The following DDX52 variants were observed in gnomAD, a reference collection of about 807,000 sequenced individuals.
DDX52 encodes the protein probable ATP-dependent RNA helicase DDX52.
Under a neutral mutation model 76.1 loss-of-function variants are expected in DDX52, and 59 were observed. The observed-to-expected ratio is 0.78, with a 90% confidence interval of 0.63 to 0.96. DDX52 has a LOEUF of 0.96. Ranked by LOEUF, DDX52 falls within the 40% of genes least tolerant of loss-of-function variation. The probability of loss-of-function intolerance (pLI) is 0.00; values close to 1 mark genes in which losing one functional copy is unlikely to be tolerated. For synonymous variants in DDX52, 231 were observed against 244.1 expected (o/e 0.95, Z 0.50); for missense variants, 707 against 703.9 (o/e 1.00, Z -0.05).
At position 37,625,988 on chromosome 17, in the gene DDX52, C is replaced by T. The variant is rs776324127; in HGVS notation, c.1043G>A (p.Arg348Gln). Residue 348 changes from arginine to glutamine, a missense_variant, in exon 8 of 15, where the codon CGA becomes CAA. By Grantham distance (43) the Arg-to-Gln change is conservative. Transcript: ENST00000617633. Reference sequence around the variant, plus strand: ...AAAAGTTGCACTGAACATAGCTCTTCGGACCTTGTGGGATGTGCAGGCCAG... The same window carrying T: ...AAAAGTTGCACTGAACATAGCTCTTTGGACCTTGTGGGATGTGCAGGCCAG... ...IFLACTSHKV[R>Q]RAMFSATFAY... 39 of 1,614,038 alleles carry T rather than the reference C, an allele frequency of 2.4e-5. No homozygotes were observed. The highest frequency in any genetic ancestry group is 2.2e-5 in the East Asian group (1 of 44,894).
At chr17:37,624,906 AATT>A (rs1221268937) in intron 8 of DDX52, among the ~76,000 whole-genome samples, 1 of 152,030 alleles carries the variant, frequency 6.6e-6, no homozygotes, top group Non-Finnish European at 1.5e-5. Flanking sequence ...TTTCCCATTT[AATT>A]ATTTTTATCT....
At chr17:37,625,464 T>C (rs1233675319) in intron 8 of DDX52, among the ~76,000 whole-genome samples, 1 of 152,206 alleles carries the variant, frequency 6.6e-6, no homozygotes, top group Non-Finnish European at 1.5e-5. Flanking sequence ...AGTATCATAA[T>C]TTCTTTAAAC....
chr17:37,626,240 A>T lies in DDX52; in HGVS notation c.933-142T>A. On this transcript the variant is annotated intron_variant, in intron 7 of 14. Transcript: ENST00000617633. ...CACTTTATCATACCAAAAAAAAAAA[A>T]TAAGAAACACAAGCAGGTGTCATGG... 9 of 799,088 alleles carry T rather than the reference A, an allele frequency of 1.1e-5. No individual in the cohort carries two copies. The South Asian group carries it at 1.3e-4, about 11-fold the overall frequency. 49.5% of individuals were successfully genotyped at this position (799,088 alleles called of 1,614,324 possible). A position where few individuals can be genotyped will look rare whatever the true frequency, so the allele number is the denominator to read the frequency against.
intron 14 of DDX52, among the ~76,000 whole-genome samples, chr17:37,616,766 T>C (rs111999092): frequency 6.6e-6 from 1 of 152,192 alleles, no homozygotes; most frequent in African/African-American, 2.4e-5. Flanking sequence ...TATACTTTTT[T>C]CAGTTTGTAG....
Position 37,613,923 on chromosome 17 carries a change from C to A in DDX52, c.*373G>T. 5.9e-6 allele frequency: 1 copy of A among 170,840 alleles called. No homozygotes were observed. The highest frequency in any genetic ancestry group is 1.2e-5 in the Non-Finnish European group (1 of 80,480). The allele number at this position is 170,840 out of a possible 1,614,324, so 10.6% of individuals were successfully genotyped here. On this transcript the variant is annotated 3_prime_UTR_variant, in exon 15 of 15. Coordinates refer to ENST00000617633, the MANE Select transcript of DDX52 (RefSeq NM_007010.5). ...AAGAAGTATCTCTCTGGATTCAAAC[C>A]ACAGAAATGTCAATGAATGTTATTT... is the stretch of plus-strand genomic sequence containing the variant.
intron 13 of DDX52, among the ~76,000 whole-genome samples, chr17:37,618,667 A>T (rs1269273373): frequency 2.6e-5 from 4 of 152,064 alleles, no homozygotes; most frequent in African/African-American, 9.7e-5. Flanking sequence ...TTGTATTTTA[A>T]GTAGAGATGG....
At position 37,610,487 on chromosome 17, in the gene DDX52, A is replaced by G. The variant is rs553786004; in HGVS notation, c.*3809T>C. 1 of 151,674 alleles carries G rather than the reference A, an allele frequency of 6.6e-6. No individual in the cohort carries two copies. Among genetic ancestry groups the G allele is most frequent in the South Asian group, 2.1e-4 (1 of 4,806 alleles). 9.4% of individuals were successfully genotyped at this position (151,674 alleles called of 1,614,324 possible). Reference sequence around the variant, plus strand: ...GGAAGTAAAACATGAAAGTTGAGTAATTTTCTCAAGCACGTAGTTTGCTTG... The same window carrying G: ...GGAAGTAAAACATGAAAGTTGAGTAGTTTTCTCAAGCACGTAGTTTGCTTG... On this transcript the variant is annotated 3_prime_UTR_variant, in exon 15 of 15. Transcript: ENST00000617633.
rs750944507 is a variant in DDX52 at position 37,632,066 on chromosome 17, C to T, written c.603+47G>A. 9.9e-6 allele frequency: 16 copies of T among 1,610,248 alleles called. No homozygotes were observed. The South Asian group carries it at 1.8e-4, about 18-fold the overall frequency. On this transcript the variant is annotated intron_variant, in intron 4 of 14. Coordinates refer to ENST00000617633, the MANE Select transcript of DDX52 (RefSeq NM_007010.5). The stretch of plus-strand genomic sequence containing the variant: ...GAAGAGAGGGAAGAGAATGAGCAAA[C>T]ACACAGAGGAAGGAATGTTACAGGC...
At chr17:37,632,348 T>C (rs1259198401) in intron 3 of DDX52, 50 bp from the exon 4 acceptor site, 8 of 1,590,218 alleles carry the variant, frequency 5.0e-6, no homozygotes, top group Non-Finnish European at 6.9e-6. Flanking sequence ...AATAAATACA[T>C]TCTCAGATGT....
intron 6 of DDX52, among the ~76,000 whole-genome samples, chr17:37,627,753 G>A (rs1426622014): frequency 2.6e-5 from 4 of 151,722 alleles, no homozygotes; most frequent in Admixed American, 2.0e-4. Context: ...TGATATAAGG[G>A]TGAGGATGTA....
At chr17:37,624,537 A>G in intron 8 of DDX52, 103 bp from the exon 9 acceptor site, 1 of 743,784 alleles carries the variant, frequency 1.3e-6, no homozygotes, top group Non-Finnish European at 2.1e-6. Context: ...AACAAAATCA[A>G]TTTTTCCACT....
At chr17:37,626,588 A>G (rs149003533) in intron 7 of DDX52, among the ~76,000 whole-genome samples, 200 bp downstream of exon 7, 113 of 152,334 alleles carry the variant, frequency 7.4e-4, no homozygotes, top group African/African-American at 2.7e-3. Context: ...AGCTTAATGT[A>G]CCTATTCCAA....
At chr17:37,619,150 G>T (rs1366140512) in intron 13 of DDX52, among the ~76,000 whole-genome samples, 2 of 152,120 alleles carry the variant, frequency 1.3e-5, no homozygotes, top group Non-Finnish European at 2.9e-5. Context: ...AGGCCCAGGT[G>T]GGCAGATCAC....
chr17:37,633,234 A>G, intron 3 of DDX52, 54 bp downstream of exon 3: 1 of 1,510,744 alleles, frequency 6.6e-7, no homozygotes, highest in Non-Finnish European at 8.8e-7. Flanking sequence ...TCCAGCGAAT[A>G]AGTCACTAGG....
At chr17:37,634,198 C>T (rs1271628483) in intron 2 of DDX52, among the ~76,000 whole-genome samples, 2 of 151,834 alleles carry the variant, frequency 1.3e-5, no homozygotes, top group Non-Finnish European at 1.5e-5. Flanking sequence ...ATCCGCCCGC[C>T]TCGGCCTCTC....
At chr17:37,622,087 C>A (rs1472868756) in intron 9 of DDX52, among the ~76,000 whole-genome samples, 2 of 152,016 alleles carry the variant, frequency 1.3e-5, no homozygotes, top group Non-Finnish European at 2.9e-5. Context: ...TCTCCCCAAG[C>A]TTAGTCCTTG....
chr17:37,624,299 A>G, intron 9 of DDX52, 45 bp downstream of exon 9: 8 of 1,503,174 alleles, frequency 5.3e-6, no homozygotes, highest in Non-Finnish European at 7.3e-6. Flanking sequence ...GTAATATAAG[A>G]CTTGGCAAAC....
At chr17:37,614,799 G>A (rs191375860) in intron 14 of DDX52, 5 of 155,956 alleles carry the variant, frequency 3.2e-5, no homozygotes, top group Admixed American at 1.9e-4. Flanking sequence ...TGTTAGACAC[G>A]AATCCTATCA....
intron 14 of DDX52, 139 bp from the exon 15 acceptor site, chr17:37,614,492 AT>A: frequency 1.3e-6 from 1 of 775,760 alleles, no homozygotes; most frequent in Non-Finnish European, 2.0e-6. Context: ...ACAAAGATGC[AT>A]TAGACATGGT....
Sources: gnomAD v4.1 joint callset for allele counts (sites outside exome capture counted in the v4.1 genomes callset) on GRCh38, gnomAD v4.1.1 for gene constraint, MANE v1.5 for transcripts, NCBI Gene and HGNC (gene_info 2026-07-23, HGNC 2026-07-21) for gene names.